Variants in LRRC41 observed in about 807,000 individuals in gnomAD.
The protein encoded by LRRC41 is leucine rich repeat containing 41, also known as leucine-rich repeat-containing protein 41.
In LRRC41, 17 loss-of-function variants were observed where a neutral mutation model predicts 72.1. That is an observed-to-expected ratio of 0.24 (90% CI 0.16 to 0.35). The LOEUF is 0.35. LRRC41 is among the 10% of genes least tolerant of loss of function. The pLI is 1.00. For missense variants in LRRC41, 759 were observed against 1,065.0 expected (o/e 0.71, Z 4.00); for synonymous variants, 427 against 431.0 (o/e 0.99, Z 0.11).
intron 1 of LRRC41, 118 bp downstream of exon 1, chr1:46,303,006 C>G (rs1392805833): frequency 1.5e-6 from 2 of 1,314,676 alleles, no homozygotes; most frequent in African/African-American, 3.1e-5. Flanking sequence ...TACGAGCTGG[C>G]TTTCAGCGCC....
rs761334446 is a variant in LRRC41 at position 46,303,318 on chromosome 1, G to A, written c.5C>T (p.Ala2Val). The A allele has an allele frequency of 2.6e-6, 4 of 1,523,214 alleles. No homozygotes were observed. Among genetic ancestry groups the A allele is most frequent in the Non-Finnish European group, 1.8e-6 (2 of 1,137,462 alleles). The allele number at this position is 1,523,214 out of a possible 1,614,324, so 94.4% of individuals were successfully genotyped here. A position where few individuals can be genotyped will look rare whatever the true frequency, so the allele number is the denominator to read the frequency against. The change falls in exon 1 of 10, where the codon GCG becomes GTG. Residue 2 changes from alanine to valine, a missense_variant. Around this residue, in one of 4 missense-constraint regions of LRRC41, gnomAD observed 106 missense variants for 66.1 expected, o/e 1.60. Coordinates refer to ENST00000617190, the MANE Select transcript of LRRC41 (RefSeq NM_006369.5). The part of the protein sequence containing the change: M[A>V]APEAWRARSC... ...CCGGGCGCGCCAGGCCTCGGGCGCC[G>A]CCATCTTGGGGAGGTGCGCGAGCCC...
In LRRC41 at chr1:46,279,287, T is replaced by C. The variant is rs766982236; in HGVS notation, c.2144-30A>G. 7.4e-6 allele frequency: 12 copies of C among 1,610,848 alleles called. No homozygotes were observed. Among genetic ancestry groups the C allele is most frequent in the Non-Finnish European group, 9.3e-6 (11 of 1,177,152 alleles). On this transcript the variant is annotated intron_variant, in intron 8 of 9. Transcript: ENST00000617190. This position sits in a 1 kb window ranked among gnomAD's most constrained non-coding sequence, Gnocchi z 4.5. ...AGAGAAGGGGAGAACGCCTATCACC[T>C]CCACCCAAGAACAGGGGACAAGGGT...
chr1:46,297,667 TG>T, intron 2 of LRRC41, 34 bp from the exon 3 acceptor site: 1 of 1,482,066 alleles, frequency 6.7e-7, no homozygotes, highest in Non-Finnish European at 9.4e-7. Flanking sequence ...GGCTGCTTAC[TG>T]GCCACCATGA....
At chr1:46,301,848 C>T (rs1342829309) in intron 1 of LRRC41, 5 of 608,978 alleles carry the variant, frequency 8.2e-6, no homozygotes, top group Admixed American at 6.4e-5. Context: ...CAGCAGGCCT[C>T]GGCCGGGCCT....
chr1:46,282,376 G>A (rs1660797446), intron 4 of LRRC41, among the ~76,000 whole-genome samples: 1 of 152,196 alleles, frequency 6.6e-6, no homozygotes, highest in Admixed American at 6.5e-5. Flanking sequence ...AATGCCACAG[G>A]CAAATAATTC....
chr1:46,282,010 C>T (rs1008900570), intron 4 of LRRC41, among the ~76,000 whole-genome samples: 21 of 150,906 alleles, frequency 1.4e-4, no homozygotes, highest in African/African-American at 3.7e-4. Flanking sequence ...ACCCAGGAGA[C>T]GGAGGTTGCA....
At chr1:46,287,755 A>C (rs1463434207) in intron 3 of LRRC41, among the ~76,000 whole-genome samples, 1 of 152,150 alleles carries the variant, frequency 6.6e-6, no homozygotes, top group Non-Finnish European at 1.5e-5. Flanking sequence ...GACTCCTCTG[A>C]CACTCTGACT....
intron 4 of LRRC41, among the ~76,000 whole-genome samples, chr1:46,282,528 AG>A (rs1660800541): frequency 2.6e-5 from 4 of 152,344 alleles, no homozygotes; most frequent in African/African-American, 9.6e-5. Context: ...GGGGGAATAA[AG>A]TACTATGAAA....
In LRRC41 at chr1:46,285,476, T is replaced by C; in HGVS notation, c.1381A>G (p.Ser461Gly). 1 of 1,614,180 alleles carries C rather than the reference T, an allele frequency of 6.2e-7. No homozygotes were observed. The highest frequency in any genetic ancestry group is 8.5e-7 in the Non-Finnish European group (1 of 1,180,048). Residue 461 changes from serine (S) to glycine (G), a missense_variant, in exon 4 of 10, where the codon AGC becomes GGC. By Grantham distance (56) the Ser-to-Gly change is moderately conservative (BLOSUM62 0). Coordinates refer to ENST00000617190, the MANE Select transcript of LRRC41 (RefSeq NM_006369.5). This position sits in a 1 kb window ranked among gnomAD's most constrained non-coding sequence, Gnocchi z 5.3. ...PALEASQRFR[S>G]ISTLELFTVP... ...GTGAATAGCTCCAAGGTGGAGATGC[T>C]GCGGAATCTTTGTGAAGCTTCCAGT...
At chr1:46,284,279 G>GA (rs1370528259) in intron 4 of LRRC41, 1 of 152,234 alleles carries the variant, frequency 6.6e-6, no homozygotes, top group African/African-American at 2.4e-5. Flanking sequence ...GTGGAAAGGA[G>GA]AGTAGCATAG....
intron 3 of LRRC41, among the ~76,000 whole-genome samples, chr1:46,292,690 T>G (rs565150713): frequency 6.6e-6 from 1 of 152,234 alleles, no homozygotes; most frequent in East Asian, 1.9e-4. Context: ...ACTGGGATAT[T>G]TGTCTTTTTA....
chr1:46,301,987 C>T (rs976676786), intron 1 of LRRC41: 3 of 985,306 alleles, frequency 3.0e-6, no homozygotes, highest in African/African-American at 1.7e-5. Context: ...TCACTTTCCC[C>T]TCTTTCACTT....
intron 3 of LRRC41, among the ~76,000 whole-genome samples, chr1:46,287,605 A>G (rs918090947): frequency 6.6e-6 from 1 of 152,220 alleles, no homozygotes; most frequent in African/African-American, 2.4e-5. Flanking sequence ...GCTTATGAGA[A>G]TGCTTTGCTC....
intron 1 of LRRC41, among the ~76,000 whole-genome samples, chr1:46,301,278 GGGCCTCCGCA>G (rs1483679250): frequency 2.0e-5 from 3 of 151,984 alleles, no homozygotes; most frequent in Admixed American, 6.6e-5. Flanking sequence ...TTCCCAACCT[GGGCCTCCGCA>G]CCCAGTCATC....
rs546295457 is a variant in LRRC41 at position 46,293,182 on chromosome 1, CAA to C, written c.357+4379_357+4380del. ...CTGGCGACAGAGCGAGATTTCGTCT[CAA>C]AAAAAAAAAAAAATTAGTACTCTCT... is the stretch of plus-strand genomic sequence containing the variant. On this transcript the variant is annotated intron_variant, in intron 3 of 9. Transcript: ENST00000617190. 5.5e-3 allele frequency among the ~76,000 whole-genome samples: 685 copies of C among 125,492 alleles called. 5 individuals carry two copies. The highest frequency in any genetic ancestry group is 0.018 in the African/African-American group (624 of 34,302). 82.3% of individuals were successfully genotyped at this position (125,492 alleles called of 152,430 possible).
intron 3 of LRRC41, among the ~76,000 whole-genome samples, chr1:46,291,598 C>T (rs374637044): frequency 3.5e-5 from 4 of 112,738 alleles, no homozygotes; most frequent in South Asian, 2.9e-4. Flanking sequence ...CTTGCTCTGT[C>T]GCCCAGGCTG....
chr1:46,279,747 CAAGCAAGG>C lies in LRRC41; in HGVS notation c.2021-141_2021-134del. 1 of 1,044,818 alleles carries C rather than the reference CAAGCAAGG, an allele frequency of 9.6e-7. No homozygotes were observed. Among genetic ancestry groups the C allele is most frequent in the East Asian group, 2.4e-5 (1 of 41,434 alleles). The allele number at this position is 1,044,818 out of a possible 1,614,324, so 64.7% of individuals were successfully genotyped here. A position where few individuals can be genotyped will look rare whatever the true frequency, so the allele number is the denominator to read the frequency against. On this transcript the variant is annotated intron_variant, in intron 7 of 9. Coordinates refer to ENST00000617190, the MANE Select transcript of LRRC41 (RefSeq NM_006369.5). The surrounding 1 kb of genome is among the most constrained non-coding windows in gnomAD (Gnocchi z 4.5). The stretch of plus-strand genomic sequence containing the variant: ...AAGAGGAAGGAATTTGTCTAGACTC[CAAGCAAGG>C]CTGGAACTAAATCAGAATCCAAACT...
chr1:46,279,686 C>T lies in LRRC41; in HGVS notation c.2021-72G>A. On this transcript the variant is annotated intron_variant, in intron 7 of 9. Coordinates refer to ENST00000617190, the MANE Select transcript of LRRC41 (RefSeq NM_006369.5). This position sits in a 1 kb window ranked among gnomAD's most constrained non-coding sequence, Gnocchi z 4.5. ...GTGCTGCCCCTCCTGCCCCAGTTGG[C>T]CCTAGCAAGGGGTATTAACATTATA... 3 of 1,590,448 alleles carry T rather than the reference C, an allele frequency of 1.9e-6. No homozygotes were observed. Among genetic ancestry groups the T allele is most frequent in the Non-Finnish European group, 1.7e-6 (2 of 1,162,632 alleles).
In LRRC41 at chr1:46,279,369, A is replaced by G. The variant is rs770240342; in HGVS notation, c.2144-112T>C. 3.8e-6 allele frequency: 6 copies of G among 1,582,774 alleles called. No homozygotes were observed. In the African/African-American group the frequency reaches 8.1e-5, roughly 21 times the overall value. Reference sequence around the variant, plus strand: ...CCCTGCTGGTTCCTGAAGCCCCAGCACAGAAATATCTGTATTCCAACTCCC... The same window carrying G: ...CCCTGCTGGTTCCTGAAGCCCCAGCGCAGAAATATCTGTATTCCAACTCCC... On this transcript the variant is annotated intron_variant, in intron 8 of 9. Transcript: ENST00000617190. This position sits in a 1 kb window ranked among gnomAD's most constrained non-coding sequence, Gnocchi z 4.5.
Sources: gnomAD v4.1 joint callset for allele counts (sites outside exome capture counted in the v4.1 genomes callset) on GRCh38, gnomAD v4.1.1 for gene constraint, gnomAD v4.1.1 regional missense constraint, Gnocchi (gnomAD v3.1) non-coding constraint, MANE v1.5 for transcripts, NCBI Gene and HGNC (gene_info 2026-07-23, HGNC 2026-07-21) for gene names.